ARMH3: variants seen among roughly 807,000 people sequenced by gnomAD.
ARMH3 encodes the protein armadillo-like helical domain-containing protein 3.
In ARMH3, 60 loss-of-function variants were observed where a neutral mutation model predicts 99.1. That is an observed-to-expected ratio of 0.61 (90% CI 0.49 to 0.75). The LOEUF (loss-of-function observed/expected upper bound fraction) is 0.75, where lower values mean the gene tolerates loss of function less well. Ranked by LOEUF, ARMH3 falls within the 30% of genes least tolerant of loss-of-function variation. The probability of loss-of-function intolerance (pLI) is 0.00; values close to 1 mark genes in which losing one functional copy is unlikely to be tolerated. For synonymous variants in ARMH3, 285 were observed against 292.8 expected (o/e 0.97, Z 0.27); for missense variants, 679 against 843.1 (o/e 0.81, Z 2.41).
At chr10:101,888,891 A>G (rs1291564834) in intron 24 of ARMH3, among the ~76,000 whole-genome samples, 3 of 152,188 alleles carry the variant, frequency 2.0e-5, no homozygotes, top group African/African-American at 7.2e-5. Flanking sequence ...ACAAAGACAC[A>G]AGGCTATCTG....
At chr10:101,990,338 T>G (rs920239866) in intron 19 of ARMH3, among the ~76,000 whole-genome samples, 28 of 152,006 alleles carry the variant, frequency 1.8e-4, no homozygotes, top group Admixed American at 1.6e-3. Context: ...CGCCCACCAC[T>G]GCGCCCAGAT....
At chr10:101,981,031 G>A (rs1846203730) in intron 19 of ARMH3, among the ~76,000 whole-genome samples, 1 of 151,728 alleles carries the variant, frequency 6.6e-6, no homozygotes, top group African/African-American at 2.4e-5. Flanking sequence ...CACACAGAGA[G>A]GGGAACAACA....
At chr10:101,855,619 C>T (rs994378080) in intron 24 of ARMH3, among the ~76,000 whole-genome samples, 11 of 150,920 alleles carry the variant, frequency 7.3e-5, no homozygotes, top group African/African-American at 2.2e-4. Context: ...AATCACAGCT[C>T]ACTGCACCCT....
At chr10:101,868,132 T>C (rs1430377910) in intron 24 of ARMH3, among the ~76,000 whole-genome samples, 3 of 152,180 alleles carry the variant, frequency 2.0e-5, no homozygotes, top group Non-Finnish European at 4.4e-5. Context: ...GTTGCAGATA[T>C]GGATCTTGGA....
chr10:101,953,763 T>C (rs1844905072), intron 22 of ARMH3, among the ~76,000 whole-genome samples: 1 of 152,112 alleles, frequency 6.6e-6, no homozygotes, highest in Admixed American at 6.6e-5. Context: ...ACGACAACTT[T>C]CATGCATTGC....
At chr10:101,866,100 A>C (rs2066995500) in intron 24 of ARMH3, among the ~76,000 whole-genome samples, 1 of 151,998 alleles carries the variant, frequency 6.6e-6, no homozygotes, top group African/African-American at 2.4e-5. Flanking sequence ...ACTTGCCTGT[A>C]ATCTCAGCTA....
At chr10:101,969,104 CA>C (rs1845661182) in intron 20 of ARMH3, among the ~76,000 whole-genome samples, 1 of 152,050 alleles carries the variant, frequency 6.6e-6, no homozygotes. Context: ...TAGCAGCTGC[CA>C]AAATTCCCCT....
chr10:101,936,390 G>A (rs911648226), intron 23 of ARMH3, among the ~76,000 whole-genome samples: 1 of 151,338 alleles, frequency 6.6e-6, no homozygotes, highest in African/African-American at 2.4e-5. Flanking sequence ...TACTCAGGAG[G>A]CTGAGGCAGC....
intron 23 of ARMH3, among the ~76,000 whole-genome samples, chr10:101,919,570 A>G (rs1843223072): frequency 6.6e-6 from 1 of 152,092 alleles, no homozygotes; most frequent in Admixed American, 6.6e-5. Flanking sequence ...TGTAGGCTGA[A>G]GCACATGGCA....
chr10:101,852,979 G>A (rs1170337390), intron 24 of ARMH3, among the ~76,000 whole-genome samples: 1 of 150,968 alleles, frequency 6.6e-6, no homozygotes, highest in Non-Finnish European at 1.5e-5. Flanking sequence ...CACCTCACAG[G>A]TTCAAGCGAT....
intron 24 of ARMH3, among the ~76,000 whole-genome samples, chr10:101,864,060 C>CAAAA (rs71485765): frequency 9.5e-6 from 1 of 105,650 alleles, no homozygotes; most frequent in Non-Finnish European, 1.8e-5. Context: ...GACTCCATCT[C>CAAAA]AAAAAAAAAA....
intron 24 of ARMH3, among the ~76,000 whole-genome samples, chr10:101,875,822 C>T (rs761805678): frequency 1.3e-5 from 2 of 152,210 alleles, no homozygotes; most frequent in Non-Finnish European, 1.5e-5. Context: ...AAGCCCTAGA[C>T]ACCCCTTGTG....
At chr10:101,940,182 C>T (rs1221143938) in intron 22 of ARMH3, among the ~76,000 whole-genome samples, 1 of 152,256 alleles carries the variant, frequency 6.6e-6, no homozygotes, top group Non-Finnish European at 1.5e-5. Flanking sequence ...TACTCCTTCT[C>T]TGCCTTAGGT....
chr10:102,001,452 T>C (rs896895580), intron 15 of ARMH3, among the ~76,000 whole-genome samples: 1 of 152,128 alleles, frequency 6.6e-6, no homozygotes, highest in African/African-American at 2.4e-5. Flanking sequence ...AACCTCAAAC[T>C]TTTCCAACAC....
At chr10:102,020,930 C>A (rs2066870919) in intron 8 of ARMH3, among the ~76,000 whole-genome samples, 1 of 151,940 alleles carries the variant, frequency 6.6e-6, no homozygotes, top group African/African-American at 2.4e-5. Context: ...CTCAGACTCA[C>A]CCAGAGCAAT....
chr10:101,883,983 A>ATC (rs535217874), intron 24 of ARMH3, among the ~76,000 whole-genome samples: 5 of 150,958 alleles, frequency 3.3e-5, no homozygotes, highest in South Asian at 2.1e-4. Context: ...ACAGAGGGAG[A>ATC]TCTCACACAC....
At position 102,029,730 on chromosome 10, in the gene ARMH3, T is replaced by C. The variant is rs1464703298; in HGVS notation, c.322A>G (p.Ile108Val). Residue 108 changes from isoleucine (I) to valine (V), a missense_variant, in exon 5 of 26, where the codon ATT becomes GTT. By Grantham distance (29) the Ile-to-Val change is conservative. Transcript: ENST00000370033. ...VNALQTLCAL[I>V]RGVHQKNKST... is the part of the protein sequence containing the mutation. ...TTATTCTTTTGATGGACTCCTCGAA[T>C]GAGTGCGCACAGGGTCTGCAGAAAT... The C allele has an allele frequency of 3.7e-6, 6 of 1,614,018 alleles. No homozygotes were observed. Among genetic ancestry groups the C allele is most frequent in the Admixed American group, 3.3e-5 (2 of 60,016 alleles).
intron 25 of ARMH3, 99 bp from the exon 26 acceptor site, chr10:101,847,719 G>A: frequency 9.6e-7 from 1 of 1,044,950 alleles, no homozygotes; most frequent in Non-Finnish European, 1.5e-6. Flanking sequence ...GCTACACGGG[G>A]CACTAGAAGT....
At chr10:101,963,742 G>C (rs978940840) in intron 20 of ARMH3, among the ~76,000 whole-genome samples, 31 of 152,242 alleles carry the variant, frequency 2.0e-4, no homozygotes, top group Non-Finnish European at 4.1e-4. Context: ...TGGGATTACA[G>C]GCATGGGCCA....
Sources: allele counts gnomAD v4.1 joint callset (sites outside exome capture counted in the v4.1 genomes callset), GRCh38; gene constraint gnomAD v4.1.1; transcripts MANE v1.5; gene names NCBI Gene and HGNC (gene_info 2026-07-23, HGNC 2026-07-21).